Variants in DLGAP1 observed in about 807,000 individuals in gnomAD.
DLGAP1 encodes the protein disks large-associated protein 1.
Under a neutral mutation model 90.8 loss-of-function variants are expected in DLGAP1, and 11 were observed. That is an observed-to-expected ratio of 0.12 (90% confidence interval 0.08 to 0.20). The LOEUF is 0.20. DLGAP1 is among the 10% of genes least tolerant of loss of function. DLGAP1 has a pLI of 1.00. For missense variants in DLGAP1, 1,050 were observed against 1,333.8 expected (o/e 0.79, Z 3.31); for synonymous variants, 558 against 540.7 (o/e 1.03, Z -0.44).
chr18:4,145,006 C>T (rs1054056621), intron 2 of DLGAP1, among the ~76,000 whole-genome samples: 1 of 152,144 alleles, frequency 6.6e-6, no homozygotes, highest in Non-Finnish European at 1.5e-5. Context: ...ATAACATTTA[C>T]GTTTCTTTCA....
chr18:3,635,438 C>CCT (rs2058684056), intron 7 of DLGAP1, among the ~76,000 whole-genome samples: 3 of 151,268 alleles, frequency 2.0e-5, no homozygotes, highest in African/African-American at 7.3e-5. Context: ...CGCGCCCGGC[C>CCT]TGTCTGTCCC....
At chr18:4,232,304 G>T (rs1310584784) in intron 1 of DLGAP1, among the ~76,000 whole-genome samples, 1 of 152,036 alleles carries the variant, frequency 6.6e-6, no homozygotes, top group African/African-American at 2.4e-5. Flanking sequence ...TTTGACAGAA[G>T]CTTAACTTGA....
At chr18:3,977,303 C>A (rs963596014) in intron 3 of DLGAP1, among the ~76,000 whole-genome samples, 4 of 152,172 alleles carry the variant, frequency 2.6e-5, no homozygotes, top group African/African-American at 9.7e-5. Flanking sequence ...AACTCCTGAG[C>A]TCCAGTGATC....
At chr18:4,215,297 A>T (rs892782338) in intron 1 of DLGAP1, among the ~76,000 whole-genome samples, 1 of 152,204 alleles carries the variant, frequency 6.6e-6, no homozygotes, top group African/African-American at 2.4e-5. Context: ...TAAAATTATG[A>T]ATGACAAAAT....
At chr18:3,778,901 AG>A (rs1238373663) in intron 5 of DLGAP1, among the ~76,000 whole-genome samples, 2 of 152,188 alleles carry the variant, frequency 1.3e-5, no homozygotes, top group African/African-American at 4.8e-5. Flanking sequence ...CCAGTCCTGC[AG>A]CCTTGTAAGT....
At chr18:3,504,697 T>A (rs1223366317) in intron 11 of DLGAP1, among the ~76,000 whole-genome samples, 2 of 152,210 alleles carry the variant, frequency 1.3e-5, no homozygotes, top group Non-Finnish European at 2.9e-5. Context: ...TTTTCTTGAA[T>A]GTATTTAACT....
intron 7 of DLGAP1, among the ~76,000 whole-genome samples, chr18:3,627,409 A>G (rs939546296): frequency 7.1e-6 from 1 of 141,736 alleles, no homozygotes; most frequent in African/African-American, 2.6e-5. Flanking sequence ...ATGTGTTGTC[A>G]GTTTCCTTCG....
At chr18:3,798,432 A>G (rs1219427126) in intron 5 of DLGAP1, among the ~76,000 whole-genome samples, 1 of 152,164 alleles carries the variant, frequency 6.6e-6, no homozygotes, top group Admixed American at 6.5e-5. Flanking sequence ...GGACAGGGAC[A>G]GAGATGGACC....
intron 1 of DLGAP1, among the ~76,000 whole-genome samples, chr18:4,232,275 A>T (rs191002382): frequency 6.6e-5 from 10 of 151,974 alleles, no homozygotes; most frequent in Admixed American, 3.9e-4. Flanking sequence ...GGGTCCTTAA[A>T]TTTTTTTTTA....
rs1568278273 is a variant in DLGAP1, at chr18:3,600,801, G to GATATATAGATATATATAGATATATAGAT, written c.1592-18581_1592-18554dup. 2.4e-3 allele frequency among the ~76,000 whole-genome samples: 37 copies of GATATATAGATATATATAGATATATAGAT among 15,326 alleles called. 4 individuals are homozygous for GATATATAGATATATATAGATATATAGAT. The highest frequency in any genetic ancestry group is 9.0e-3 in the Admixed American group (19 of 2,110). The allele number at this position is 15,326 out of a possible 152,430, so 10.1% of individuals were successfully genotyped here. A position where few individuals can be genotyped will look rare whatever the true frequency, so the allele number is the denominator to read the frequency against. On this transcript the variant is annotated intron_variant, in intron 7 of 12. Transcript: ENST00000315677. The stretch of plus-strand genomic sequence containing the variant: ...ATATATAGATATATATAGATATATA[G>GATATATAGATATATATAGATATATAGAT]ATATATAGATATATATAGATATATA...
In DLGAP1 at chr18:4,454,117, G is replaced by C. The variant is rs1324223192; in HGVS notation, c.-267+889C>G. 2.0e-5 allele frequency among the ~76,000 whole-genome samples: 3 copies of C among 152,214 alleles called. No individual in the cohort carries two copies. Among genetic ancestry groups the C allele is most frequent in the Non-Finnish European group, 2.9e-5 (2 of 68,040 alleles). On this transcript the variant is annotated intron_variant, in intron 1 of 12. Coordinates refer to ENST00000315677, the MANE Select transcript of DLGAP1 (RefSeq NM_004746.4). The surrounding 1 kb of genome is among the most constrained non-coding windows in gnomAD (Gnocchi z 4.7). ...TCCCGGTGCCACCCAGCGAGGCCGGGACAGCGCGCCTTCCGCAAAAAGCGC... is the reference window on the plus strand; with the variant it reads ...TCCCGGTGCCACCCAGCGAGGCCGGCACAGCGCGCCTTCCGCAAAAAGCGC...
At chr18:4,258,530 A>C (rs975120541) in intron 1 of DLGAP1, among the ~76,000 whole-genome samples, 11 of 151,270 alleles carry the variant, frequency 7.3e-5, no homozygotes, top group Non-Finnish European at 1.2e-4. Flanking sequence ...TGAAAAATAC[A>C]AAAAAAAAGC....
rs922185877 is a variant in DLGAP1, at chr18:3,568,726, A to G, written c.1966-1145T>C. On this transcript the variant is annotated intron_variant, in intron 8 of 12. Transcript: ENST00000315677. ...TTTTGAGATGGAGTCTCACTTTGTT[A>G]CCCAGGCTGGAGTGCAGTGGCACGA... 8.6e-5 allele frequency among the ~76,000 whole-genome samples: 13 copies of G among 151,948 alleles called. No homozygotes were observed. The East Asian group carries it at 1.5e-3, about 18-fold the overall frequency.
chr18:4,284,203 G>GA (rs11392858), intron 1 of DLGAP1, among the ~76,000 whole-genome samples: 84,885 of 134,470 alleles, frequency 0.63, 28,137 homozygotes, highest in East Asian at 0.79. Flanking sequence ...TGCCTCTACT[G>GA]AAAAAAAAAA....
intron 1 of DLGAP1, among the ~76,000 whole-genome samples, chr18:4,351,727 AG>A (rs2081406246): frequency 6.6e-6 from 1 of 152,226 alleles, no homozygotes; most frequent in South Asian, 2.1e-4. Flanking sequence ...TGAATAGCTT[AG>A]ATTTGTTGTA....
intron 3 of DLGAP1, among the ~76,000 whole-genome samples, chr18:3,901,015 C>T (rs749825381): frequency 1.8e-4 from 27 of 151,922 alleles, no homozygotes; most frequent in South Asian, 2.1e-4. Context: ...TTCAAAATGA[C>T]GACTAGGACC....
chr18:3,528,749 T>A (rs1472624781), intron 10 of DLGAP1, among the ~76,000 whole-genome samples: 1 of 152,208 alleles, frequency 6.6e-6, no homozygotes, highest in East Asian at 1.9e-4. Flanking sequence ...TGATCTGGAT[T>A]GGCCGCATTT....
intron 1 of DLGAP1, among the ~76,000 whole-genome samples, chr18:4,264,156 T>C (rs981400776): frequency 6.6e-6 from 1 of 152,226 alleles, no homozygotes; most frequent in African/African-American, 2.4e-5. Flanking sequence ...GAAAAGGATG[T>C]TGAGATTTCT....
intron 2 of DLGAP1, among the ~76,000 whole-genome samples, chr18:4,036,351 T>A (rs1003156544): frequency 6.6e-6 from 1 of 152,224 alleles, no homozygotes; most frequent in African/African-American, 2.4e-5. Context: ...GAGCATTTAA[T>A]TAAAACTCTT....
Sources: allele counts gnomAD v4.1 joint callset (sites outside exome capture counted in the v4.1 genomes callset), GRCh38; gene constraint gnomAD v4.1.1; non-coding constraint Gnocchi (gnomAD v3.1); transcripts MANE v1.5; gene names NCBI Gene and HGNC (gene_info 2026-07-23, HGNC 2026-07-21).